The following CFAP43 variants were observed in gnomAD, a reference collection of about 807,000 sequenced individuals.
CFAP43 encodes the protein cilia and flagella associated protein 43.
A neutral mutation model predicts 218.9 loss-of-function variants in CFAP43; 155 were observed. The ratio of observed to expected loss-of-function variants is 0.71; its 90% CI spans 0.62 to 0.81. The LOEUF (loss-of-function observed/expected upper bound fraction) is 0.81. CFAP43 is among the 30% of genes least tolerant of loss of function. The pLI, the probability that CFAP43 is intolerant of heterozygous loss-of-function variation, is 0.00. For synonymous variants in CFAP43, 645 were observed against 681.3 expected (o/e 0.95, Z 0.83); for missense variants, 1,778 against 1,954.3 (o/e 0.91, Z 1.70).
rs2090014936 is a variant in CFAP43 at position 104,185,962 on chromosome 10, A to G, written c.2010+12T>C. ...TACACCCACAATATTTTTTTTTAAG[A>G]AAGCAGCTTACCAAAGTATAAACGT... On this transcript the variant is annotated intron_variant, in intron 15 of 37. Transcript: ENST00000357060. 1 of 1,605,896 alleles carries G rather than the reference A, an allele frequency of 6.2e-7. No individual in the cohort carries two copies. Among genetic ancestry groups the G allele is most frequent in the African/African-American group, 1.3e-5 (1 of 74,186 alleles).
intron 19 of CFAP43, among the ~76,000 whole-genome samples, chr10:104,174,676 A>C (rs1466380479): frequency 2.0e-5 from 3 of 152,204 alleles, no homozygotes; most frequent in African/African-American, 7.2e-5. Flanking sequence ...AGAAACTATA[A>C]ACTTTCACTG....
At chr10:104,174,550 G>T (rs1040542386) in intron 19 of CFAP43, among the ~76,000 whole-genome samples, 2 of 152,238 alleles carry the variant, frequency 1.3e-5, no homozygotes, top group African/African-American at 4.8e-5. Flanking sequence ...AGATTTGGGT[G>T]GGGACACAGC....
chr10:104,228,478 A>G (rs2091361792), intron 2 of CFAP43, among the ~76,000 whole-genome samples: 1 of 152,162 alleles, frequency 6.6e-6, no homozygotes, highest in African/African-American at 2.4e-5. Context: ...CTGCCTTGCC[A>G]TCATTCTCTT....
At chr10:104,133,889 T>C in intron 34 of CFAP43, 105 bp from the exon 35 acceptor site, 3 of 1,058,418 alleles carry the variant, frequency 2.8e-6, no homozygotes, top group Non-Finnish European at 3.9e-6. Flanking sequence ...GTCACAGAGA[T>C]AATTCTGTCT....
intron 17 of CFAP43, among the ~76,000 whole-genome samples, chr10:104,180,714 G>A (rs1166371104): frequency 6.6e-6 from 1 of 152,032 alleles, no homozygotes; most frequent in Non-Finnish European, 1.5e-5. Context: ...CAAAGTGCTG[G>A]GATTACAGGT....
At chr10:104,176,058 G>C (rs938938414) in intron 19 of CFAP43, among the ~76,000 whole-genome samples, 1 of 152,176 alleles carries the variant, frequency 6.6e-6, no homozygotes, top group Admixed American at 6.5e-5. Context: ...ACATAAAAAG[G>C]CCAATTTTTT....
At chr10:104,177,933 C>T (rs1057092367) in intron 19 of CFAP43, among the ~76,000 whole-genome samples, 4 of 152,230 alleles carry the variant, frequency 2.6e-5, no homozygotes, top group South Asian at 2.1e-4. Context: ...ATGTACCTCT[C>T]ATGTACCCTT....
At chr10:104,213,555 T>A (rs914775928) in intron 4 of CFAP43, among the ~76,000 whole-genome samples, 4 of 152,080 alleles carry the variant, frequency 2.6e-5, no homozygotes, top group Non-Finnish European at 5.9e-5. Flanking sequence ...TTTTTTTTTT[T>A]AGATGGAATC....
intron 3 of CFAP43, chr10:104,218,848 C>T (rs764726063): frequency 1.9e-6 from 1 of 526,636 alleles, no homozygotes; most frequent in Non-Finnish European, 3.9e-6. Flanking sequence ...CATTATAGAC[C>T]AGAGATGAGA....
intron 3 of CFAP43, among the ~76,000 whole-genome samples, chr10:104,219,904 A>G (rs1422946948): frequency 6.6e-6 from 1 of 152,104 alleles, no homozygotes; most frequent in East Asian, 1.9e-4. Flanking sequence ...ATTCCTGTTC[A>G]TCCTTTAGGT....
chr10:104,187,943 G>A (rs1175306311), intron 13 of CFAP43, among the ~76,000 whole-genome samples: 1 of 152,102 alleles, frequency 6.6e-6, no homozygotes, highest in African/African-American at 2.4e-5. Flanking sequence ...TCAGTGAAGG[G>A]AACTACACTG....
intron 23 of CFAP43, among the ~76,000 whole-genome samples, chr10:104,165,413 A>G (rs986306697): frequency 1.3e-5 from 2 of 152,246 alleles, no homozygotes; most frequent in East Asian, 1.9e-4. Context: ...CTGAAGGCAG[A>G]AGCTGAGCAA....
chr10:104,130,673 T>C (rs1389066245), intron 37 of CFAP43, among the ~76,000 whole-genome samples: 1 of 152,084 alleles, frequency 6.6e-6, no homozygotes, highest in African/African-American at 2.4e-5. Flanking sequence ...AGCTAAACAG[T>C]GGATACTCAT....
chr10:104,132,724 CA>C, intron 35 of CFAP43: 1 of 984,972 alleles, frequency 1.0e-6, no homozygotes. Context: ...CCAATTATTA[CA>C]AATGCCTACT....
At chr10:104,216,858 T>G (rs530844079) in intron 3 of CFAP43, among the ~76,000 whole-genome samples, 1 of 152,150 alleles carries the variant, frequency 6.6e-6, no homozygotes, top group South Asian at 2.1e-4. Flanking sequence ...TGCCTCAGCC[T>G]CTGCTTTCCA....
At chr10:104,181,980 T>C (rs1049409802) in intron 17 of CFAP43, among the ~76,000 whole-genome samples, 1 of 152,220 alleles carries the variant, frequency 6.6e-6, no homozygotes, top group South Asian at 2.1e-4. Context: ...AGCCTAGCAC[T>C]CTGTAGGCAC....
At chr10:104,153,298 T>C (rs1427868080) in intron 27 of CFAP43, among the ~76,000 whole-genome samples, 1 of 152,220 alleles carries the variant, frequency 6.6e-6, no homozygotes, top group African/African-American at 2.4e-5. Flanking sequence ...TATAAATTTA[T>C]ATTTTTAAAG....
chr10:104,195,953 A>G (rs2090370591), intron 10 of CFAP43, among the ~76,000 whole-genome samples: 1 of 152,238 alleles, frequency 6.6e-6, no homozygotes, highest in African/African-American at 2.4e-5. Flanking sequence ...TTAATTATGC[A>G]CTTAATTGCA....
intron 19 of CFAP43, among the ~76,000 whole-genome samples, chr10:104,177,150 A>T (rs1403106582): frequency 6.6e-6 from 1 of 152,162 alleles, no homozygotes. Flanking sequence ...TGCCCATCGA[A>T]GTCTAGCACA....
Sources: allele counts gnomAD v4.1 joint callset (sites outside exome capture counted in the v4.1 genomes callset), GRCh38; gene constraint gnomAD v4.1.1; transcripts MANE v1.5; gene names NCBI Gene and HGNC (gene_info 2026-07-23, HGNC 2026-07-21).